Variants in ZFHX3 observed in about 807,000 individuals in gnomAD.
ZFHX3 encodes zinc finger homeobox 3, also known as zinc finger homeobox protein 3.
ZFHX3 carries 42 observed loss-of-function variants against 279.1 expected under a neutral mutation model. The ratio of observed to expected loss-of-function variants is 0.15; its 90% CI spans 0.12 to 0.19. The LOEUF (loss-of-function observed/expected upper bound fraction) is 0.19, where lower values mean the gene tolerates loss of function less well. ZFHX3 is among the 10% of genes least tolerant of loss of function. ZFHX3 has a pLI of 1.00. For synonymous variants in ZFHX3, 2,293 were observed against 1,957.8 expected, an observed-to-expected ratio of 1.17 and a Z score of -4.52; for missense variants, 4,981 against 4,754.0, an observed-to-expected ratio of 1.05 and a Z score of -1.40.
At chr16:72,907,842 C>T (rs562616380) in intron 3 of ZFHX3, among the ~76,000 whole-genome samples, 105 of 152,012 alleles carry the variant, frequency 6.9e-4, no homozygotes, top group Non-Finnish European at 1.3e-3. Flanking sequence ...TGCTACCATG[C>T]CCAGCTAATT....
At chr16:73,879,308 C>G (rs1228102130) in intron 1 of ZFHX3, among the ~76,000 whole-genome samples, 2 of 146,086 alleles carry the variant, frequency 1.4e-5, no homozygotes, top group African/African-American at 5.0e-5. Flanking sequence ...AAAGCAGACA[C>G]AGATCAAGCC....
intron 1 of ZFHX3, among the ~76,000 whole-genome samples, chr16:73,784,796 A>AAAAT (rs56734827): frequency 2.7e-4 from 36 of 131,110 alleles, no homozygotes; most frequent in East Asian, 1.8e-3. Flanking sequence ...TAAAAAAAAA[A>AAAAT]ATATATATAT....
intron 1 of ZFHX3, among the ~76,000 whole-genome samples, chr16:73,834,876 G>A (rs1363592393): frequency 6.6e-6 from 1 of 151,160 alleles, no homozygotes; most frequent in African/African-American, 2.4e-5. Context: ...GCGACAGTAC[G>A]AGACTTCGTC....
intron 3 of ZFHX3, among the ~76,000 whole-genome samples, chr16:72,938,174 T>C (rs1055298685): frequency 1.3e-5 from 2 of 152,246 alleles, no homozygotes; most frequent in Non-Finnish European, 2.9e-5. Context: ...GAGAGACAGT[T>C]CTGGAAAACC....
intron 1 of ZFHX3, among the ~76,000 whole-genome samples, chr16:73,873,214 G>T (rs2029872677): frequency 1.0e-5 from 1 of 98,112 alleles, no homozygotes. Flanking sequence ...GGGTGGTAGT[G>T]GGTGGTGGGT....
intron 5 of ZFHX3, among the ~76,000 whole-genome samples, chr16:73,163,169 T>C (rs751254587): frequency 2.6e-5 from 4 of 152,234 alleles, no homozygotes; most frequent in Admixed American, 6.5e-5. Context: ...AGTCCATCTA[T>C]TCACAATAAA....
intron 1 of ZFHX3, among the ~76,000 whole-genome samples, chr16:73,761,264 A>C (rs1240792665): frequency 6.6e-6 from 1 of 152,172 alleles, no homozygotes; most frequent in Non-Finnish European, 1.5e-5. Context: ...AATACATAGG[A>C]ATACAGCTAA....
At position 73,201,233 on chromosome 16, in the gene ZFHX3, T is replaced by C. The variant is rs138272021; in HGVS notation, c.-1104+55814A>G. Among the ~76,000 whole-genome samples, 13 of 152,292 alleles carry C rather than the reference T, an allele frequency of 8.5e-5. 1 individual carries two copies. In the East Asian group the frequency reaches 2.1e-3, roughly 25 times the overall value. On this transcript the variant is annotated intron_variant, in intron 5 of 17. Coordinates refer to the ZFHX3 transcript ENST00000641206. ...CCCTTGGGGTATTTATGCTGGTGGA[T>C]GTGAGTTTGGGCTGCCAGGGGCTAC...
At chr16:73,063,197 G>A (rs563397472), upstream of ZFHX3, among the ~76,000 whole-genome samples, 7 of 152,352 alleles carry the variant, frequency 4.6e-5, no homozygotes, top group African/African-American at 1.4e-4. Flanking sequence ...GGGAGGAAAG[G>A]GTTAAGCTGC....
intron 5 of ZFHX3, among the ~76,000 whole-genome samples, chr16:73,210,270 C>G (rs990253885): frequency 6.6e-6 from 1 of 152,144 alleles, no homozygotes; most frequent in African/African-American, 2.4e-5. Flanking sequence ...TAGCTGTGCT[C>G]TAACACTGAG....
intron 3 of ZFHX3, among the ~76,000 whole-genome samples, chr16:72,948,312 A>C (rs751880356): frequency 7.9e-5 from 12 of 152,212 alleles, no homozygotes; most frequent in Non-Finnish European, 1.3e-4. Flanking sequence ...TGCTGGGTCC[A>C]CGTTCTACCC....
chr16:73,322,761 T>C (rs4011586), intron 3 of ZFHX3, among the ~76,000 whole-genome samples: 61,343 of 152,120 alleles, frequency 0.4, 14,166 homozygotes, highest in Non-Finnish European at 0.53. Flanking sequence ...CACTAATGTG[T>C]ATAAAATCTC....
chr16:73,579,854 TTA>T lies in ZFHX3; in HGVS notation c.-1547+100324_-1547+100325del, dbSNP rs200667144. Among the ~76,000 whole-genome samples the T allele has an allele frequency of 7.7e-4, 108 of 140,928 alleles. 1 individual carries two copies. Among genetic ancestry groups the T allele is most frequent in the South Asian group, 3.2e-3 (15 of 4,668 alleles). The allele number at this position is 140,928 out of a possible 152,430, so 92.5% of individuals were successfully genotyped here. A position where few individuals can be genotyped will look rare whatever the true frequency, so the allele number is the denominator to read the frequency against. ...GGTTCACAAATATATATTATACAGA[TTA>T]TATATATATATATATATACATACAC... On this transcript the variant is annotated intron_variant, in intron 2 of 17. Coordinates refer to the ZFHX3 transcript ENST00000641206.
intron 5 of ZFHX3, among the ~76,000 whole-genome samples, chr16:73,199,806 C>T (rs1165981168): frequency 6.6e-6 from 1 of 152,144 alleles, no homozygotes; most frequent in Non-Finnish European, 1.5e-5. Context: ...AGGCCAACTC[C>T]AAAATGGATG....
chr16:73,612,500 C>G (rs995301511), intron 2 of ZFHX3, among the ~76,000 whole-genome samples: 1 of 152,138 alleles, frequency 6.6e-6, no homozygotes, highest in African/African-American at 2.4e-5. Flanking sequence ...TGTAGCTTTT[C>G]CAGTTTCAAA....
intron 2 of ZFHX3, among the ~76,000 whole-genome samples, chr16:73,466,554 G>A (rs2018575496): frequency 1.3e-5 from 2 of 152,092 alleles, no homozygotes; most frequent in Non-Finnish European, 1.5e-5. Flanking sequence ...GCTTGATTTA[G>A]TTACTTAATT....
At chr16:73,420,475 G>A (rs1024813778) in intron 3 of ZFHX3, among the ~76,000 whole-genome samples, 7 of 152,148 alleles carry the variant, frequency 4.6e-5, no homozygotes, top group African/African-American at 7.2e-5. Flanking sequence ...GCATTATCGG[G>A]TAGATGCCAG....
intron 1 of ZFHX3, among the ~76,000 whole-genome samples, chr16:73,706,532 C>A (rs537670681): frequency 8.6e-5 from 13 of 151,834 alleles, no homozygotes; most frequent in Non-Finnish European, 1.9e-4. Flanking sequence ...CCCTGAAGAG[C>A]ATCACAGGGG....
intron 1 of ZFHX3, among the ~76,000 whole-genome samples, chr16:73,750,250 A>T (rs754102559): frequency 6.6e-6 from 1 of 152,222 alleles, no homozygotes; most frequent in Non-Finnish European, 1.5e-5. Context: ...AGAAAAAAAC[A>T]GATCCTAAAC....
Sources: gnomAD v4.1 joint callset for allele counts (sites outside exome capture counted in the v4.1 genomes callset) on GRCh38, gnomAD v4.1.1 for gene constraint, MANE v1.5 for transcripts, NCBI Gene and HGNC (gene_info 2026-07-23, HGNC 2026-07-21) for gene names.